The following ARMCX4 variants were observed in gnomAD, a reference collection of about 807,000 sequenced individuals.
ARMCX4 encodes the protein armadillo repeat containing X-linked 4.
ARMCX4 carries 3 observed loss-of-function variants against 34.7 expected under a neutral mutation model. That is an observed-to-expected ratio of 0.09 (90% CI 0.04 to 0.22). The LOEUF is 0.22. Ranked by LOEUF, ARMCX4 falls within the 10% of genes least tolerant of loss-of-function variation. ARMCX4 has a pLI of 1.00. For synonymous variants in ARMCX4, 513 were observed against 632.8 expected, an observed-to-expected ratio of 0.81 and a Z score of 2.84; for missense variants, 1,448 against 1,720.8, an observed-to-expected ratio of 0.84 and a Z score of 2.81.
At chrX:101,470,509 G>C (rs1376054723) in intron 4 of ARMCX4, among the ~76,000 whole-genome samples, 1 of 110,389 alleles carries the variant, frequency 9.1e-6, no homozygotes, top group Non-Finnish European at 1.9e-5. Flanking sequence ...AGTAGAGATG[G>C]GGTATCACCA....
chrX:101,521,269 A>C (rs782403915), intron 11 of ARMCX4, among the ~76,000 whole-genome samples: 1 of 111,206 alleles, frequency 9.0e-6, no homozygotes, highest in Admixed American at 9.6e-5. Flanking sequence ...TTTATTTTGT[A>C]TTTCTTCTTT....
intron 4 of ARMCX4, among the ~76,000 whole-genome samples, chrX:101,474,833 A>G (rs1408625138): frequency 1.0e-5 from 1 of 98,658 alleles, no homozygotes; most frequent in Non-Finnish European, 2.0e-5. Flanking sequence ...GCTATCTATG[A>G]CAAACCCACA....
At chrX:101,504,524 C>A (rs1283118907) in intron 7 of ARMCX4, among the ~76,000 whole-genome samples, 1 of 110,820 alleles carries the variant, frequency 9.0e-6, no homozygotes, top group African/African-American at 3.3e-5. Flanking sequence ...GGCCTTCTGG[C>A]TCAGTCCTAA....
Position 101,494,045 on chromosome X carries a change from C to CTGGGGG in ARMCX4, c.5461_5462insGTGGGG (p.Gly1820_Ala1821insGlyGly). ...GCTGGGGCTGGGGCTGAGGCTGGGG[C>CTGGGGG]TGGGGCTGAGGCTGGGGCTGGGGCT... On this transcript the variant is annotated inframe_insertion, in exon 6 of 6. Transcript: ENST00000423738. 1.8e-5 allele frequency: 14 copies of CTGGGGG among 768,084 alleles called. No individual in the cohort carries two copies. Among genetic ancestry groups the CTGGGGG allele is most frequent in the East Asian group, 3.8e-5 (1 of 26,385 alleles). The allele number at this position is 768,084 out of a possible 1,213,427, so 63.3% of individuals were successfully genotyped here. A position where few individuals can be genotyped will look rare whatever the true frequency, so the allele number is the denominator to read the frequency against.
At chrX:101,433,269 T>C (rs182975948) in intron 2 of ARMCX4, among the ~76,000 whole-genome samples, 34 of 108,335 alleles carry the variant, frequency 3.1e-4, no homozygotes, top group Admixed American at 1.4e-3. Flanking sequence ...TACATATATG[T>C]ACACATGTAC....
rs1377820577 is a variant in ARMCX4, at chrX:101,493,954, G to T, written c.5365G>T (p.Ala1789Ser). The T allele has an allele frequency of 3.7e-5, 42 of 1,134,929 alleles. No homozygotes were observed. The highest frequency in any genetic ancestry group is 4.6e-5 in the Non-Finnish European group (40 of 865,282). The allele number at this position is 1,134,929 out of a possible 1,213,427, so 93.5% of individuals were successfully genotyped here. The change falls in exon 6 of 6, where the codon GCT (alanine) becomes TCT (serine). Residue 1789 changes from alanine to serine, a missense_variant. Transcript: ENST00000423738. The part of the protein sequence containing the change: ...ICSRIEAENK[A>S]SSGSWIRSEE... Reference sequence around the variant, plus strand: ...TTCTAGGATTGAGGCTGAGAACAAGGCTAGTAGTGGCTCCTGGATTAGATC... The same window carrying T: ...TTCTAGGATTGAGGCTGAGAACAAGTCTAGTAGTGGCTCCTGGATTAGATC...
chrX:101,513,515 A>G (rs782649974), intron 11 of ARMCX4, among the ~76,000 whole-genome samples: 20 of 111,841 alleles, frequency 1.8e-4, no homozygotes, highest in Non-Finnish European at 3.4e-4. Flanking sequence ...AAGCTAATAC[A>G]TATTTTGTTA....
intron 11 of ARMCX4, among the ~76,000 whole-genome samples, chrX:101,520,001 T>C (rs1216988648): frequency 1.8e-5 from 2 of 111,937 alleles, no homozygotes; most frequent in Non-Finnish European, 1.9e-5. Context: ...CGTTTGCTTA[T>C]TTTAAAATCA....
intron 4 of ARMCX4, among the ~76,000 whole-genome samples, chrX:101,471,138 T>C (rs1276905568): frequency 8.9e-6 from 1 of 112,223 alleles, no homozygotes; most frequent in Admixed American, 9.5e-5. Context: ...CCTTTTACAA[T>C]GGATTTTTCT....
chrX:101,480,583 A>G (rs1203572487), upstream of ARMCX4, among the ~76,000 whole-genome samples: 2 of 111,641 alleles, frequency 1.8e-5, no homozygotes, highest in Non-Finnish European at 3.8e-5. Flanking sequence ...AAAAATTCTG[A>G]ATATCAAAAA....
intron 2 of ARMCX4, among the ~76,000 whole-genome samples, chrX:101,430,671 A>T (rs145495486): frequency 0.016 from 1,758 of 112,324 alleles, 38 homozygotes; most frequent in African/African-American, 0.054. Context: ...TCAAACACTG[A>T]TGGCCCATAA....
intron 10 of ARMCX4, chrX:101,510,936 ATTT>A (rs1934566953): frequency 9.0e-6 from 1 of 111,409 alleles, no homozygotes; most frequent in Non-Finnish European, 1.9e-5. Context: ...TATACATGAC[ATTT>A]TTTTCCTCTC....
At chrX:101,503,806 C>A (rs1934371999) in intron 7 of ARMCX4, among the ~76,000 whole-genome samples, 1 of 111,019 alleles carries the variant, frequency 9.0e-6, no homozygotes, top group South Asian at 3.8e-4. Context: ...TCCCATTTGT[C>A]AATTTTGGCT....
chrX:101,437,773 G>A (rs1042521741), intron 2 of ARMCX4, among the ~76,000 whole-genome samples: 1 of 111,748 alleles, frequency 8.9e-6, no homozygotes, highest in Non-Finnish European at 1.9e-5. Flanking sequence ...GCTTTCTCTT[G>A]TGGGAATTTC....
rs782788796 is a variant in ARMCX4 at position 101,475,948 on chromosome X, AAGAT to A, written c.-472-10071_-472-10068del. ...TTTCAATAATCCACAGATTAGCAAA[AAGAT>A]AGAGGATTTAAATTTCACAATTGAT... is the stretch of plus-strand genomic sequence containing the variant. On this transcript the variant is annotated intron_variant and NMD_transcript_variant, in intron 4 of 15. Transcript: ENST00000433011. Among the ~76,000 whole-genome samples, 639 of 111,333 alleles carry A rather than the reference AAGAT, an allele frequency of 5.7e-3. 5 individuals carry two copies. Among genetic ancestry groups the A allele is most frequent in the Non-Finnish European group, 5.9e-3 (311 of 53,076 alleles).
In ARMCX4 at chrX:101,480,154, A is replaced by ACG. The variant is rs1556005143; in HGVS notation, c.-472-5868_-472-5867insGC. Among the ~76,000 whole-genome samples the ACG allele has an allele frequency of 1.4e-4, 14 of 99,447 alleles. No individual in the cohort carries two copies. In the East Asian group the frequency reaches 4.8e-3, roughly 34 times the overall value. The allele number at this position is 99,447 out of a possible 115,157, so 86.4% of individuals were successfully genotyped here. A position where few individuals can be genotyped will look rare whatever the true frequency, so the allele number is the denominator to read the frequency against. ...CACACACACACACACACACACACAC[A>ACG]CACACACACACACACACACACATAT... On this transcript the variant is annotated intron_variant and NMD_transcript_variant, in intron 4 of 15. Transcript: ENST00000433011.
chrX:101,471,726 A>G (rs1200403810), intron 4 of ARMCX4, among the ~76,000 whole-genome samples: 1 of 111,417 alleles, frequency 9.0e-6, no homozygotes, highest in Non-Finnish European at 1.9e-5. Context: ...GGGTACTCCA[A>G]CAGACCTGCA....
At chrX:101,444,594 T>C (rs1282097127) in intron 3 of ARMCX4, among the ~76,000 whole-genome samples, 1 of 112,257 alleles carries the variant, frequency 8.9e-6, no homozygotes, top group East Asian at 2.8e-4. Context: ...GAATTTGGAG[T>C]AAGTGCAATC....
chrX:101,495,285 A>G lies in ARMCX4; in HGVS notation c.6696A>G (p.Ile2232Met). ...ATGCTCTTTCACTATTTGAAAATAT[A>G]AATTACCATTTTAAAAGAAGAGCAA... is the stretch of plus-strand genomic sequence containing the variant. ...ILNALSLFEN[I>M]NYHFKRRAKA... Residue 2232 changes from isoleucine to methionine, a missense_variant, in exon 6 of 6, where the codon ATA (isoleucine) becomes ATG (methionine). Ile to Met is a conservative substitution (Grantham distance 10). Around this residue, in one of 2 missense-constraint regions of ARMCX4, gnomAD observed 105 missense variants for 180.2 expected, o/e 0.58. Transcript: ENST00000423738. The G allele has an allele frequency of 1.8e-6, 2 of 1,142,332 alleles. No homozygotes were observed. Among genetic ancestry groups the G allele is most frequent in the South Asian group, 3.9e-5 (2 of 51,817 alleles). The allele number at this position is 1,142,332 out of a possible 1,213,427, so 94.1% of individuals were successfully genotyped here. A position where few individuals can be genotyped will look rare whatever the true frequency, so the allele number is the denominator to read the frequency against.
Sources: allele counts gnomAD v4.1 joint callset (sites outside exome capture counted in the v4.1 genomes callset), GRCh38; gene constraint gnomAD v4.1.1; regional missense constraint gnomAD v4.1.1; transcripts MANE v1.5; gene names NCBI Gene and HGNC (gene_info 2026-07-23, HGNC 2026-07-21).